The following FAT3 variants were observed in gnomAD, a reference collection of about 807,000 sequenced individuals.
The protein encoded by FAT3 is FAT atypical cadherin 3.
In FAT3, 95 loss-of-function variants were observed where a neutral mutation model predicts 310.2. The observed-to-expected ratio is 0.31, with a 90% CI of 0.26 to 0.36. The LOEUF is 0.36. Ranked by LOEUF, FAT3 falls within the 10% of genes least tolerant of loss-of-function variation. FAT3 has a pLI of 1.00. For missense variants in FAT3, 5,408 were observed against 5,715.6 expected (o/e 0.95, Z 1.74); for synonymous variants, 2,314 against 2,192.9 (o/e 1.06, Z -1.54).
At chr11:92,256,165 T>G (rs1037254835) in intron 1 of FAT3, among the ~76,000 whole-genome samples, 3 of 152,132 alleles carry the variant, frequency 2.0e-5, no homozygotes, top group African/African-American at 7.2e-5. Context: ...CCTTTTATTG[T>G]TTCTCTTTGA....
chr11:92,551,628 T>C (rs1487388835), intron 3 of FAT3, among the ~76,000 whole-genome samples: 1 of 152,132 alleles, frequency 6.6e-6, no homozygotes, highest in Non-Finnish European at 1.5e-5. Context: ...AAAGAAACCA[T>C]TTCTTACTGA....
At chr11:92,840,483 T>G in intron 17 of FAT3, 79 bp from the exon 18 acceptor site, 32 of 1,252,282 alleles carry the variant, frequency 2.6e-5, no homozygotes, top group Non-Finnish European at 2.9e-5. Context: ...GTATTTTTGA[T>G]TTGTTTTGTT....
Position 92,524,857 on chromosome 11 carries a change from T to C in FAT3, c.3516T>C (p.Ala1172=). 6.2e-7 allele frequency: 1 copy of C among 1,613,918 alleles called. No individual in the cohort carries two copies. Among genetic ancestry groups the C allele is most frequent in the Non-Finnish European group, 8.5e-7 (1 of 1,179,834 alleles). The change falls in exon 3 of 28, where the codon GCT becomes GCC. Residue 1172 remains alanine (A), a synonymous_variant. Transcript: ENST00000525166. The part of the protein sequence containing the change: ...PKDVSVIQIQ[A]EDPDSSSNEK... The stretch of plus-strand genomic sequence containing the variant: ...ACGTATCTGTCATTCAGATCCAGGC[T>C]GAAGATCCTGACTCCAGTTCCAATG...
intron 3 of FAT3, among the ~76,000 whole-genome samples, chr11:92,571,434 T>G (rs1955660969): frequency 6.6e-6 from 1 of 152,132 alleles, no homozygotes; most frequent in African/African-American, 2.4e-5. Flanking sequence ...CACCCAACAG[T>G]CATCAGGATC....
At chr11:92,562,825 T>C (rs1487869293) in intron 3 of FAT3, among the ~76,000 whole-genome samples, 1 of 152,218 alleles carries the variant, frequency 6.6e-6, no homozygotes, top group African/African-American at 2.4e-5. Context: ...ATTTTTCTTA[T>C]ATCTGGCCCT....
chr11:92,402,949 G>A (rs1950054104), intron 2 of FAT3, among the ~76,000 whole-genome samples: 2 of 151,926 alleles, frequency 1.3e-5, no homozygotes, highest in Admixed American at 1.3e-4. Flanking sequence ...GAAGGTGGGG[G>A]CAAGGGACAT....
At chr11:92,466,803 A>G (rs1015577464) in intron 2 of FAT3, among the ~76,000 whole-genome samples, 6 of 137,484 alleles carry the variant, frequency 4.4e-5, no homozygotes, top group Non-Finnish European at 6.1e-5. Context: ...TCATTGTTCA[A>G]TTCCCACCTA....
At chr11:92,745,760 G>C (rs1945647465) in intron 4 of FAT3, among the ~76,000 whole-genome samples, 1 of 152,142 alleles carries the variant, frequency 6.6e-6, no homozygotes, top group Admixed American at 6.5e-5. Flanking sequence ...ACACAGGGAA[G>C]AAAAGATACC....
chr11:92,565,725 G>C (rs1955409978), intron 3 of FAT3, among the ~76,000 whole-genome samples: 1 of 151,398 alleles, frequency 6.6e-6, no homozygotes, highest in Non-Finnish European at 1.5e-5. Context: ...ATGCAAGGCT[G>C]GTTCAATATA....
At chr11:92,858,229 G>C (rs954031936) in intron 20 of FAT3, among the ~76,000 whole-genome samples, 2 of 152,172 alleles carry the variant, frequency 1.3e-5, no homozygotes, top group Non-Finnish European at 2.9e-5. Context: ...TTCAAGAATG[G>C]AGCTGCAATT....
chr11:92,778,507 C>A (rs1946651377), intron 7 of FAT3, among the ~76,000 whole-genome samples: 1 of 152,188 alleles, frequency 6.6e-6, no homozygotes, highest in Admixed American at 6.5e-5. Context: ...CCGTGCAAAT[C>A]AGGACCTAAT....
intron 2 of FAT3, among the ~76,000 whole-genome samples, chr11:92,499,723 A>ATGTGTGTGTGTGTGTGTGTGTGTGTGTG (rs61267708): frequency 1.6e-5 from 2 of 127,748 alleles, no homozygotes; most frequent in African/African-American, 5.3e-5. Context: ...ATGTGTGTGT[A>ATGTGTGTGTGTGTGTGTGTGTGTGTGTG]TGTGTGTGTG....
chr11:92,605,030 C>T lies in FAT3; in HGVS notation c.3607+80082C>T, dbSNP rs967794039. ...CCTGGCCTAGGACAGGTGCTGTTCT[C>T]AGTGTATAAATCTAAAACAGATTTG... On this transcript the variant is annotated intron_variant, in intron 3 of 27. Coordinates refer to ENST00000525166, the MANE Select transcript of FAT3 (RefSeq NM_001367949.2). 3.3e-5 allele frequency among the ~76,000 whole-genome samples: 5 copies of T among 152,196 alleles called. No individual in the cohort carries two copies. The South Asian group carries it at 8.3e-4, about 25-fold the overall frequency.
chr11:92,857,353 A>C lies in FAT3; in HGVS notation c.11500+5A>C. The C allele has an allele frequency of 6.2e-7, 1 of 1,613,950 alleles. No homozygotes were observed. The highest frequency in any genetic ancestry group is 1.1e-5 in the South Asian group (1 of 91,076). Reference sequence around the variant, plus strand: ...GGAAGCTCGGAGAGTGCTCAGGTGCAGAGTGGAGTGGAATGATGCAGATCT... The same window carrying C: ...GGAAGCTCGGAGAGTGCTCAGGTGCCGAGTGGAGTGGAATGATGCAGATCT... On this transcript the variant is annotated splice_donor_5th_base_variant and intron_variant, in intron 20 of 27. Coordinates refer to ENST00000525166, the MANE Select transcript of FAT3 (RefSeq NM_001367949.2).
intron 1 of FAT3, among the ~76,000 whole-genome samples, chr11:92,236,029 AG>A (rs1864404204): frequency 6.6e-6 from 1 of 152,238 alleles, no homozygotes; most frequent in Non-Finnish European, 1.5e-5. Flanking sequence ...AAGAAAGCAT[AG>A]AACACATAAG....
intron 1 of FAT3, among the ~76,000 whole-genome samples, chr11:92,277,063 C>G (rs1389678873): frequency 6.6e-6 from 1 of 151,982 alleles, no homozygotes; most frequent in African/African-American, 2.4e-5. Flanking sequence ...TAGGTGTTTA[C>G]AAGAATCAAT....
At position 92,433,043 on chromosome 11, in the gene FAT3, A is replaced by C. The variant is rs141243142; in HGVS notation, c.3292+77639A>C. ...AGCTTTATTTACACCGTGAAGGGAAAACCACCTACTGAAGCCTCAGTAATG... is the reference window on the plus strand; with the variant it reads ...AGCTTTATTTACACCGTGAAGGGAACACCACCTACTGAAGCCTCAGTAATG... On this transcript the variant is annotated intron_variant, in intron 2 of 27. Coordinates refer to ENST00000525166, the MANE Select transcript of FAT3 (RefSeq NM_001367949.2). 2.4e-3 allele frequency among the ~76,000 whole-genome samples: 360 copies of C among 152,194 alleles called. 1 individual carries two copies. Among genetic ancestry groups the C allele is most frequent in the South Asian group, 0.011 (52 of 4,808 alleles).
At chr11:92,623,926 A>G (rs1380919595) in intron 3 of FAT3, among the ~76,000 whole-genome samples, 1 of 152,132 alleles carries the variant, frequency 6.6e-6, no homozygotes. Context: ...CTGGATGACA[A>G]AGCGAGACTC....
chr11:92,830,336 A>G (rs1948211611), intron 13 of FAT3, among the ~76,000 whole-genome samples: 1 of 152,182 alleles, frequency 6.6e-6, no homozygotes, highest in Admixed American at 6.5e-5. Context: ...GACATTTCCT[A>G]GTTTGTATGT....
Sources: allele counts gnomAD v4.1 joint callset (sites outside exome capture counted in the v4.1 genomes callset), GRCh38; gene constraint gnomAD v4.1.1; transcripts MANE v1.5; gene names NCBI Gene and HGNC (gene_info 2026-07-23, HGNC 2026-07-21).